CSMD1: variants seen among roughly 807,000 people sequenced by gnomAD.
CSMD1 encodes CUB and sushi domain-containing protein 1.
In CSMD1, 213 loss-of-function variants were observed where a neutral mutation model predicts 417.5. The ratio of observed to expected loss-of-function variants is 0.51; its 90% confidence interval spans 0.46 to 0.57. The LOEUF (loss-of-function observed/expected upper bound fraction) is 0.57. CSMD1 is among the 20% of genes least tolerant of loss of function. CSMD1 has a pLI of 0.00. For synonymous variants in CSMD1, 2,862 were observed against 1,736.8 expected (o/e 1.65, Z -16.11); for missense variants, 6,923 against 4,529.7 (o/e 1.53, Z -15.17).
rs1210313724 is a variant in CSMD1, at chr8:4,070,441, TC to T, written c.416-38343del. ...GGTGGGATCTCGGCTCACTGCAAGC[TC>T]CGCCTCCCGGGTTCACACCATTCTC... On this transcript the variant is annotated intron_variant, in intron 3 of 69. Coordinates refer to ENST00000635120, the MANE Select transcript of CSMD1 (RefSeq NM_033225.6). 2.0e-5 allele frequency among the ~76,000 whole-genome samples: 3 copies of T among 152,106 alleles called. No homozygotes were observed. In the East Asian group the frequency reaches 5.8e-4, roughly 29 times the overall value.
At chr8:4,251,990 A>C (rs1803114519) in intron 3 of CSMD1, among the ~76,000 whole-genome samples, 1 of 152,056 alleles carries the variant, frequency 6.6e-6, no homozygotes, top group African/African-American at 2.4e-5. Context: ...AACAGAGCTA[A>C]TTACAAGCAT....
intron 1 of CSMD1, among the ~76,000 whole-genome samples, chr8:4,838,366 A>G (rs1800626731): frequency 2.0e-5 from 3 of 152,212 alleles, no homozygotes; most frequent in Admixed American, 2.0e-4. Flanking sequence ...GCAATCAATT[A>G]TTGAAGATAG....
intron 2 of CSMD1, among the ~76,000 whole-genome samples, chr8:4,535,207 C>A (rs567879284): frequency 2.0e-5 from 3 of 152,080 alleles, no homozygotes; most frequent in Non-Finnish European, 4.4e-5. Flanking sequence ...CTTGAAATAT[C>A]AATAACATAG....
intron 54 of CSMD1, among the ~76,000 whole-genome samples, chr8:2,988,423 T>G (rs941517318): frequency 6.6e-6 from 1 of 152,186 alleles, no homozygotes; most frequent in African/African-American, 2.4e-5. Flanking sequence ...GGAAACAGTA[T>G]GTGAATCATC....
intron 3 of CSMD1, among the ~76,000 whole-genome samples, chr8:4,141,008 G>C (rs1186484765): frequency 1.3e-5 from 2 of 151,178 alleles, no homozygotes; most frequent in African/African-American, 2.5e-5. Flanking sequence ...CAGAAAGACA[G>C]GTAATATTCC....
chr8:4,549,895 T>TAAAAAAAAAAAAAA (rs1563277700), intron 2 of CSMD1, among the ~76,000 whole-genome samples: 3 of 65,834 alleles, frequency 4.6e-5, no homozygotes, highest in Admixed American at 1.8e-4. Context: ...AGACTTTGTC[T>TAAAAAAAAAAAAAA]CAAAAAAAAA....
chr8:4,663,062 G>A (rs1370565243), intron 1 of CSMD1, among the ~76,000 whole-genome samples: 1 of 152,140 alleles, frequency 6.6e-6, no homozygotes, highest in East Asian at 1.9e-4. Flanking sequence ...AACATGACTG[G>A]AGAGAGTCAA....
At chr8:4,145,683 C>A (rs1308382006) in intron 3 of CSMD1, among the ~76,000 whole-genome samples, 2 of 151,026 alleles carry the variant, frequency 1.3e-5, no homozygotes, top group African/African-American at 5.0e-5. Flanking sequence ...AACACCACAC[C>A]TGGCCACATT....
At chr8:4,835,676 CTTTT>C (rs1371055004) in intron 1 of CSMD1, among the ~76,000 whole-genome samples, 1 of 152,068 alleles carries the variant, frequency 6.6e-6, no homozygotes, top group Non-Finnish European at 1.5e-5. Flanking sequence ...TAACATTTTT[CTTTT>C]ATTTGCCACA....
At chr8:4,086,181 C>T (rs950971867) in intron 3 of CSMD1, among the ~76,000 whole-genome samples, 1 of 152,012 alleles carries the variant, frequency 6.6e-6, no homozygotes, top group South Asian at 2.1e-4. Flanking sequence ...GTAATTTACT[C>T]AATAATAAAA....
chr8:4,604,410 T>TGTGTGCGCGC (rs59349269), intron 2 of CSMD1, among the ~76,000 whole-genome samples: 15,890 of 146,108 alleles, frequency 0.11, 1,094 homozygotes, highest in Non-Finnish European at 0.15. Flanking sequence ...TGTGTGTGTG[T>TGTGTGCGCGC]GCGCGTGCGT....
intron 3 of CSMD1, among the ~76,000 whole-genome samples, chr8:4,344,858 A>G (rs1435241053): frequency 6.6e-6 from 1 of 152,178 alleles, no homozygotes; most frequent in Non-Finnish European, 1.5e-5. Flanking sequence ...CTTTAAAAAT[A>G]TTTACCTAGC....
At chr8:3,649,803 A>G (rs1169621805) in intron 7 of CSMD1, among the ~76,000 whole-genome samples, 1 of 152,206 alleles carries the variant, frequency 6.6e-6, no homozygotes, top group African/African-American at 2.4e-5. Flanking sequence ...TGGTCTTATT[A>G]CAATGTAAGT....
chr8:4,249,035 T>A (rs753489810), intron 3 of CSMD1, among the ~76,000 whole-genome samples: 3 of 152,208 alleles, frequency 2.0e-5, no homozygotes, highest in Non-Finnish European at 4.4e-5. Context: ...GCCTGGCATA[T>A]GCTACTCAAT....
At chr8:3,391,943 A>G (rs776141907) in intron 17 of CSMD1, among the ~76,000 whole-genome samples, 4 of 152,156 alleles carry the variant, frequency 2.6e-5, no homozygotes, top group Non-Finnish European at 4.4e-5. Flanking sequence ...AGAGTTTGAT[A>G]TAAATCATTC....
chr8:4,951,716 C>A (rs1216096211), intron 1 of CSMD1, among the ~76,000 whole-genome samples: 1 of 151,440 alleles, frequency 6.6e-6, no homozygotes, highest in East Asian at 1.9e-4. Context: ...CCAGAAGAAT[C>A]TCCCTATATT....
chr8:3,534,093 T>C (rs1376657455), intron 10 of CSMD1, among the ~76,000 whole-genome samples: 1 of 152,214 alleles, frequency 6.6e-6, no homozygotes, highest in East Asian at 1.9e-4. Flanking sequence ...TTTTAGTATC[T>C]GAGGCTATGA....
intron 1 of CSMD1, among the ~76,000 whole-genome samples, chr8:4,992,678 G>C (rs79112976): frequency 0.059 from 8,967 of 152,226 alleles, 905 homozygotes; most frequent in African/African-American, 0.2. Flanking sequence ...TTCCCAGCCA[G>C]TCCAGTGCTG....
At chr8:4,697,101 G>T (rs562831633) in intron 1 of CSMD1, among the ~76,000 whole-genome samples, 1 of 152,150 alleles carries the variant, frequency 6.6e-6, no homozygotes, top group Non-Finnish European at 1.5e-5. Flanking sequence ...GAACCCAGGA[G>T]GGGGAGGTTG....
Sources: gnomAD v4.1 joint callset for allele counts (sites outside exome capture counted in the v4.1 genomes callset) on GRCh38, gnomAD v4.1.1 for gene constraint, MANE v1.5 for transcripts, NCBI Gene and HGNC (gene_info 2026-07-23, HGNC 2026-07-21) for gene names.